Variants in FNIP1 observed in about 807,000 individuals in gnomAD.
The protein encoded by FNIP1 is folliculin interacting protein 1, also known as folliculin-interacting protein 1.
In FNIP1, 40 loss-of-function variants were observed where a neutral mutation model predicts 124.5. The ratio of observed to expected loss-of-function variants is 0.32; its 90% CI spans 0.25 to 0.42. The LOEUF (loss-of-function observed/expected upper bound fraction) is 0.42. FNIP1 is among the 10% of genes least tolerant of loss of function. The pLI is 1.00. For missense variants in FNIP1, 1,176 were observed against 1,403.7 expected (o/e 0.84, Z 2.59); for synonymous variants, 472 against 470.6 (o/e 1.00, Z -0.04).
At chr5:131,773,076 T>A (rs181141924) in intron 1 of FNIP1, among the ~76,000 whole-genome samples, 28 of 152,294 alleles carry the variant, frequency 1.8e-4, no homozygotes, top group African/African-American at 6.3e-4. Flanking sequence ...GCTATTCCTA[T>A]GAGCATGCCT....
chr5:131,744,508 T>C (rs981054853), intron 2 of FNIP1, 56 bp downstream of exon 2: 15 of 1,524,802 alleles, frequency 9.8e-6, no homozygotes, highest in African/African-American at 1.4e-5. Flanking sequence ...TTGATAATAC[T>C]GGAATTATCA....
At chr5:131,779,943 T>C (rs1771941989) in intron 1 of FNIP1, among the ~76,000 whole-genome samples, 1 of 151,840 alleles carries the variant, frequency 6.6e-6, no homozygotes, top group Non-Finnish European at 1.5e-5. Context: ...CTCATGTCTA[T>C]AATCCCAGTA....
intron 2 of FNIP1, among the ~76,000 whole-genome samples, chr5:131,739,499 A>T (rs1770434864): frequency 6.6e-6 from 1 of 152,108 alleles, no homozygotes; most frequent in South Asian, 2.1e-4. Context: ...CCATTAGTCT[A>T]TTGCCTATTT....
At chr5:131,772,835 T>G (rs1461501125) in intron 1 of FNIP1, among the ~76,000 whole-genome samples, 1 of 152,230 alleles carries the variant, frequency 6.6e-6, no homozygotes. Flanking sequence ...CCTCTGCTTC[T>G]AATTTCTTCC....
intron 11 of FNIP1, among the ~76,000 whole-genome samples, chr5:131,691,582 T>C (rs1411060381): frequency 1.3e-5 from 2 of 151,938 alleles, no homozygotes; most frequent in African/African-American, 4.8e-5. Context: ...TAAGCCTTTA[T>C]CAGGAAACCA....
At chr5:131,777,492 G>A (rs2149581675) in intron 1 of FNIP1, among the ~76,000 whole-genome samples, 1 of 151,974 alleles carries the variant, frequency 6.6e-6, no homozygotes, top group South Asian at 2.1e-4. Flanking sequence ...AAGAAAATAG[G>A]TGCCCATCTA....
intron 11 of FNIP1, among the ~76,000 whole-genome samples, chr5:131,692,723 C>T (rs1032334548): frequency 1.8e-4 from 27 of 151,964 alleles, no homozygotes; most frequent in African/African-American, 6.3e-4. Context: ...TCAAAGGACA[C>T]AAAATTTGGC....
intron 13 of FNIP1, among the ~76,000 whole-genome samples, chr5:131,673,782 T>G (rs1382488692): frequency 1.3e-5 from 2 of 152,170 alleles, no homozygotes; most frequent in African/African-American, 4.8e-5. Context: ...ACGCTTGTAA[T>G]TCCAGCACTC....
intron 9 of FNIP1, among the ~76,000 whole-genome samples, chr5:131,704,873 T>C (rs545308716): frequency 6.6e-5 from 10 of 152,252 alleles, no homozygotes; most frequent in African/African-American, 2.4e-4. Context: ...ATGACACTGA[T>C]TTGGCAATGG....
At chr5:131,723,885 G>T in intron 3 of FNIP1, among the ~76,000 whole-genome samples, 1 of 142,688 alleles carries the variant, frequency 7.0e-6, no homozygotes, top group Non-Finnish European at 1.5e-5. Flanking sequence ...AATAGGTCCT[G>T]GTGTGTGATG....
At chr5:131,699,129 TAAAG>T (rs1262599392) in intron 10 of FNIP1, 127 bp from the exon 11 acceptor site, 13 of 580,656 alleles carry the variant, frequency 2.2e-5, no homozygotes, top group Middle Eastern at 7.7e-4. Flanking sequence ...GAGAAAGAAA[TAAAG>T]AAAGTAAATG....
intron 11 of FNIP1, among the ~76,000 whole-genome samples, chr5:131,680,740 T>A (rs1353079243): frequency 5.9e-5 from 9 of 152,184 alleles, no homozygotes; most frequent in Non-Finnish European, 1.5e-5. Context: ...GGGAACACAG[T>A]GAGACCCTGT....
At position 131,785,059 on chromosome 5, in the gene FNIP1, CATATATATG is replaced by C. The variant is rs1772133537; in HGVS notation, c.92+11762_92+11770del. Among the ~76,000 whole-genome samples the C allele has an allele frequency of 5.5e-4, 6 of 10,982 alleles. 1 individual carries two copies. The highest frequency in any genetic ancestry group is 1.6e-3 in the East Asian group (2 of 1,238). 7.2% of individuals were successfully genotyped at this position (10,982 alleles called of 152,430 possible). On this transcript the variant is annotated intron_variant, in intron 1 of 17. Transcript: ENST00000510461. ...ATATGATATATATGACTATATATAT[CATATATATG>C]ATATATATGACATATATATATGATA...
chr5:131,675,190 C>T (rs978864273), intron 13 of FNIP1, among the ~76,000 whole-genome samples: 3 of 152,334 alleles, frequency 2.0e-5, no homozygotes, highest in South Asian at 2.1e-4. Flanking sequence ...GATGTCCTGT[C>T]CCTTTCCTCA....
At position 131,670,634 on chromosome 5, in the gene FNIP1, GGAA is replaced by G. The variant is rs113171050; in HGVS notation, c.2940-6_2940-4del. On this transcript the variant is annotated splice_region_variant and splice_polypyrimidine_tract_variant and intron_variant, in intron 14 of 17. Transcript: ENST00000510461. ...CACTCACTTCGATTAACTTTGACCT[GGAA>G]GAAAAATGCCCCCAAAAGACATTTA... The G allele has an allele frequency of 1.1e-3, 1,723 of 1,573,128 alleles. 17 individuals carry two copies. The African/African-American group carries it at 0.021, about 19-fold the overall frequency.
intron 1 of FNIP1, among the ~76,000 whole-genome samples, chr5:131,755,040 G>A (rs1369391526): frequency 6.6e-6 from 1 of 152,176 alleles, no homozygotes; most frequent in Non-Finnish European, 1.5e-5. Flanking sequence ...TCAGGAGGGG[G>A]AGTAAGTTTG....
intron 1 of FNIP1, among the ~76,000 whole-genome samples, chr5:131,747,494 C>T (rs1770721339): frequency 6.6e-6 from 1 of 152,114 alleles, no homozygotes; most frequent in Non-Finnish European, 1.5e-5. Flanking sequence ...CTAAATTGTG[C>T]TTTCATACCA....
chr5:131,720,338 A>G (rs760553800), intron 3 of FNIP1, among the ~76,000 whole-genome samples: 12 of 152,216 alleles, frequency 7.9e-5, no homozygotes, highest in Non-Finnish European at 2.9e-5. Flanking sequence ...ATGCACAAAA[A>G]TCAACTGAAT....
At chr5:131,728,884 T>C (rs191669635) in intron 3 of FNIP1, among the ~76,000 whole-genome samples, 8 of 152,296 alleles carry the variant, frequency 5.3e-5, no homozygotes, top group Non-Finnish European at 7.4e-5. Context: ...GTCCTTTTTG[T>C]TGATGTTGAT....
Sources: gnomAD v4.1 joint callset for allele counts (sites outside exome capture counted in the v4.1 genomes callset) on GRCh38, gnomAD v4.1.1 for gene constraint, MANE v1.5 for transcripts, NCBI Gene and HGNC (gene_info 2026-07-23, HGNC 2026-07-21) for gene names.